KIF18B: variants seen among roughly 807,000 people sequenced by gnomAD.
KIF18B encodes the protein kinesin-like protein KIF18B.
Under a neutral mutation model 80.9 loss-of-function variants are expected in KIF18B, and 49 were observed. The ratio of observed to expected loss-of-function variants is 0.61; its 90% CI spans 0.48 to 0.77. The LOEUF (loss-of-function observed/expected upper bound fraction) is 0.77, where lower values mean the gene tolerates loss of function less well. KIF18B is among the 30% of genes least tolerant of loss of function. KIF18B has a pLI of 0.00. For missense variants in KIF18B, 994 were observed against 1,127.7 expected, an observed-to-expected ratio of 0.88 and a Z score of 1.70; for synonymous variants, 439 against 463.9, an observed-to-expected ratio of 0.95 and a Z score of 0.69.
intron 1 of KIF18B, among the ~76,000 whole-genome samples, chr17:44,946,924 G>A (rs2145761269): frequency 6.6e-6 from 1 of 151,872 alleles, no homozygotes; most frequent in South Asian, 2.1e-4. Context: ...TTCGAGACCA[G>A]CCCGGCCAAC....
At chr17:44,947,591 G>A (rs1244809361) in intron 1 of KIF18B, 37 bp downstream of exon 1, 1 of 152,286 alleles carries the variant, frequency 6.6e-6, no homozygotes, top group East Asian at 1.9e-4. Context: ...GAGAGCAGGC[G>A]TTCGCGCGGT....
At chr17:44,930,720 C>T (rs2052126812) in intron 11 of KIF18B, among the ~76,000 whole-genome samples, 2 of 152,144 alleles carry the variant, frequency 1.3e-5, no homozygotes, top group Non-Finnish European at 2.9e-5. Flanking sequence ...TGTCCTCTCT[C>T]CTTATAACAG....
In KIF18B at chr17:44,934,104, G is replaced by C. The variant is rs373632583; in HGVS notation, c.886-5C>G. The C allele has an allele frequency of 3.7e-6, 6 of 1,611,946 alleles. No homozygotes were observed. The highest frequency in any genetic ancestry group is 4.2e-6 in the Non-Finnish European group (5 of 1,179,242). ...GGGCACATGGGTCTTGCGGCCCTGG[G>C]GGGCAGTAAGCAGGTGTGGGGTGAG... On this transcript the variant is annotated splice_region_variant and splice_polypyrimidine_tract_variant and intron_variant, in intron 6 of 15. Coordinates refer to ENST00000593135, the MANE Select transcript of KIF18B (RefSeq NM_001265577.2). This position sits in a 1 kb window ranked among gnomAD's most constrained non-coding sequence, Gnocchi z 5.4.
chr17:44,926,783 A>T (rs2052036239), intron 14 of KIF18B, among the ~76,000 whole-genome samples: 1 of 152,140 alleles, frequency 6.6e-6, no homozygotes, highest in Non-Finnish European at 1.5e-5. Context: ...TCCCTCATGG[A>T]TCAGCTCTGG....
intron 1 of KIF18B, among the ~76,000 whole-genome samples, chr17:44,936,932 G>A (rs755674005): frequency 6.0e-5 from 9 of 151,062 alleles, no homozygotes; most frequent in Admixed American, 2.0e-4. Flanking sequence ...ATGAGCCACC[G>A]CGCCAGGCCT....
chr17:44,930,352 A>C (rs2052119969), intron 11 of KIF18B, among the ~76,000 whole-genome samples: 1 of 152,214 alleles, frequency 6.6e-6, no homozygotes, highest in African/African-American at 2.4e-5. Context: ...TCAAAAACCC[A>C]TCAGACAGAG....
At chr17:44,941,915 T>C (rs1373213510) in intron 1 of KIF18B, among the ~76,000 whole-genome samples, 1 of 152,186 alleles carries the variant, frequency 6.6e-6, no homozygotes, top group Non-Finnish European at 1.5e-5. Flanking sequence ...TGGCTGAGTC[T>C]GTTTGCCTAA....
At chr17:44,938,900 C>T (rs550286117) in intron 1 of KIF18B, among the ~76,000 whole-genome samples, 8 of 151,616 alleles carry the variant, frequency 5.3e-5, no homozygotes, top group African/African-American at 1.5e-4. Context: ...CAAAATTAGG[C>T]GGGTGTGGTG....
rs778597095 is a variant in KIF18B, at chr17:44,933,979, C to T, written c.1006G>A (p.Glu336Lys). 1.3e-4 allele frequency: 205 copies of T among 1,601,294 alleles called. 1 individual carries two copies. Among genetic ancestry groups the T allele is most frequent in the South Asian group, 7.1e-4 (63 of 88,814 alleles). The part of the protein sequence containing the change: ...AAISPSSLTY[E>K]DTYNTLKYAD... ...TATTTGAGGGTGTTGTACGTGTCCT[C>T]GTAGGTCAGGCTGGAGGGGCTGATG... Residue 336 changes from glutamate to lysine, a missense_variant, in exon 7 of 16, where the codon GAG (glutamate) becomes AAG (lysine). Coordinates refer to ENST00000593135, the MANE Select transcript of KIF18B (RefSeq NM_001265577.2).
Position 44,934,747 on chromosome 17 carries a change from G to A in KIF18B, c.576+84C>T. ...ACCACCACTGCTACCACCATCACAG[G>A]ACCCAGGGCATCCCCAAACAGTTTT... is the stretch of plus-strand genomic sequence containing the variant. On this transcript the variant is annotated intron_variant, in intron 4 of 15. Transcript: ENST00000593135. This position sits in a 1 kb window ranked among gnomAD's most constrained non-coding sequence, Gnocchi z 5.4. 1.6e-6 allele frequency: 2 copies of A among 1,279,264 alleles called. No individual in the cohort carries two copies. Among genetic ancestry groups the A allele is most frequent in the Non-Finnish European group, 2.2e-6 (2 of 920,368 alleles). 79.2% of individuals were successfully genotyped at this position (1,279,264 alleles called of 1,614,324 possible).
intron 11 of KIF18B, among the ~76,000 whole-genome samples, chr17:44,929,445 C>T (rs2052102261): frequency 6.6e-6 from 1 of 152,140 alleles, no homozygotes; most frequent in Admixed American, 6.5e-5. Context: ...GAGCCCAGCT[C>T]AAGTCAGACT....
In KIF18B at chr17:44,928,506, C is replaced by T. The variant is rs199951508; in HGVS notation, c.1796G>A (p.Arg599Gln). 1.0e-4 allele frequency: 150 copies of T among 1,494,352 alleles called. 1 individual carries two copies. In the Middle Eastern group the frequency reaches 2.3e-3, roughly 23 times the overall value. The allele number at this position is 1,494,352 out of a possible 1,614,324, so 92.6% of individuals were successfully genotyped here. Residue 599 changes from arginine to glutamine, a missense_variant, in exon 13 of 16, where the codon CGA becomes CAA. Coordinates refer to ENST00000593135, the MANE Select transcript of KIF18B (RefSeq NM_001265577.2). ...TGPVTRTMAR[R>Q]LSGPLHTLGI... ...CAGGGTGTGCAGGGGGCCACTCAGTCGCCTCGCCATAGTCCGGGTCACAGG... is the reference window on the plus strand; with the variant it reads ...CAGGGTGTGCAGGGGGCCACTCAGTTGCCTCGCCATAGTCCGGGTCACAGG...
Position 44,931,611 on chromosome 17 carries a change from C to A in KIF18B, c.1508G>T (p.Arg503Leu). ...GCAAGAAGATACCTACTGCTTAGAACGGTCCCCATCCAGTTCCCGTGCTGA... is the reference window on the plus strand; with the variant it reads ...GCAAGAAGATACCTACTGCTTAGAAAGGTCCCCATCCAGTTCCCGTGCTGA... ...HFSARELDGD[R>L]SKQLALKVLC... Residue 503 changes from arginine to leucine, a missense_variant, in exon 11 of 16, where the codon CGT (arginine) becomes CTT (leucine). By Grantham distance (102) the Arg-to-Leu change is moderately radical. Coordinates refer to ENST00000593135, the MANE Select transcript of KIF18B (RefSeq NM_001265577.2). 6.2e-7 allele frequency: 1 copy of A among 1,613,970 alleles called. No individual in the cohort carries two copies. Among genetic ancestry groups the A allele is most frequent in the South Asian group, 1.1e-5 (1 of 91,092 alleles).
rs766108759 is a variant in KIF18B, at chr17:44,928,979, C to T, written c.1563G>A (p.Leu521=). 10 of 1,613,908 alleles carry T rather than the reference C, an allele frequency of 6.2e-6. No homozygotes were observed. The Admixed American group carries it at 8.3e-5, about 13-fold the overall frequency. ...VLCVAQRQYS[L]LQAANLLTPD... ...GCGTCAGGAGGTTGGCTGCTTGGAGCAGGGAGTACTGCCGCTGGGCAACGC... is the reference window on the plus strand; with the variant it reads ...GCGTCAGGAGGTTGGCTGCTTGGAGTAGGGAGTACTGCCGCTGGGCAACGC... Residue 521 remains leucine (L), a synonymous_variant, in exon 12 of 16, where the codon CTG becomes CTA. Transcript: ENST00000593135.
intron 10 of KIF18B, 22 bp from the exon 11 acceptor site, chr17:44,931,751 C>T: frequency 6.2e-7 from 1 of 1,613,172 alleles, no homozygotes; most frequent in African/African-American, 1.3e-5. Context: ...GGAAAAGGCA[C>T]AGGTAGAGGG....
chr17:44,939,876 G>A (rs577718518), intron 1 of KIF18B, among the ~76,000 whole-genome samples: 19 of 152,014 alleles, frequency 1.2e-4, no homozygotes, highest in South Asian at 2.1e-4. Flanking sequence ...GCAGTGGCAC[G>A]ATCTTGGCTC....
chr17:44,927,921 G>A lies in KIF18B; in HGVS notation c.2276+105C>T, dbSNP rs968696977. 2.6e-5 allele frequency: 27 copies of A among 1,037,634 alleles called. No homozygotes were observed. The highest frequency in any genetic ancestry group is 8.1e-5 in the African/African-American group (5 of 61,642). 64.3% of individuals were successfully genotyped at this position (1,037,634 alleles called of 1,614,324 possible). A position where few individuals can be genotyped will look rare whatever the true frequency, so the allele number is the denominator to read the frequency against. On this transcript the variant is annotated intron_variant, in intron 13 of 15. Coordinates refer to ENST00000593135, the MANE Select transcript of KIF18B (RefSeq NM_001265577.2). This position sits in a 1 kb window ranked among gnomAD's most constrained non-coding sequence, Gnocchi z 4.1. ...AACCAAAGTGGAACAGATAGGAACC[G>A]TCCCAGCTCCAAGGCTGTCCTCCAT...
At chr17:44,926,298 G>A (rs888530686) in intron 15 of KIF18B, 112 bp from the exon 16 acceptor site, 8 of 1,570,400 alleles carry the variant, frequency 5.1e-6, no homozygotes, top group African/African-American at 1.4e-5. Context: ...TCCCTGAGAT[G>A]CTTGGCAATA....
chr17:44,933,839 C>CTAT, intron 7 of KIF18B, 84 bp downstream of exon 7: 1 of 1,304,698 alleles, frequency 7.7e-7, no homozygotes, highest in South Asian at 1.4e-5. Context: ...GCCCAGGGAT[C>CTAT]TATTGGAGCT....
Sources: allele counts gnomAD v4.1 joint callset (sites outside exome capture counted in the v4.1 genomes callset), GRCh38; gene constraint gnomAD v4.1.1; non-coding constraint Gnocchi (gnomAD v3.1); transcripts MANE v1.5; gene names NCBI Gene and HGNC (gene_info 2026-07-23, HGNC 2026-07-21).